The following BARX2 variants were observed in gnomAD, a reference collection of about 807,000 sequenced individuals.
The protein encoded by BARX2 is homeobox protein BarH-like 2.
BARX2 carries 11 observed loss-of-function variants against 25.5 expected under a neutral mutation model. The ratio of observed to expected loss-of-function variants is 0.43; its 90% CI spans 0.27 to 0.71. BARX2 has a LOEUF of 0.71. BARX2 is among the 30% of genes least tolerant of loss of function. The pLI is 0.19. For missense variants in BARX2, 360 were observed against 359.9 expected, an observed-to-expected ratio of 1.00 and a Z score of 0.00; for synonymous variants, 137 against 149.5, an observed-to-expected ratio of 0.92 and a Z score of 0.61.
chr11:129,450,358 T>G (rs952973808), intron 3 of BARX2, among the ~76,000 whole-genome samples: 1 of 152,044 alleles, frequency 6.6e-6, no homozygotes, highest in African/African-American at 2.4e-5. Flanking sequence ...GCAAACAAGG[T>G]GGTGTACAGA....
chr11:129,434,399 T>A (rs1368197299), intron 1 of BARX2, among the ~76,000 whole-genome samples: 3 of 115,874 alleles, frequency 2.6e-5, no homozygotes, highest in South Asian at 2.9e-4. Context: ...TGTCTCTACT[T>A]TAAAAAAAAA....
chr11:129,409,866 C>T (rs1214335655), intron 1 of BARX2, among the ~76,000 whole-genome samples: 5 of 152,022 alleles, frequency 3.3e-5, no homozygotes, highest in Admixed American at 1.3e-4. Context: ...TTATAATTTC[C>T]TCCATTATTT....
At chr11:129,435,835 G>T (rs1193684458) in intron 1 of BARX2, among the ~76,000 whole-genome samples, 2 of 152,186 alleles carry the variant, frequency 1.3e-5, no homozygotes, top group African/African-American at 4.8e-5. Context: ...CAGATTGTTG[G>T]ACAGAAAAGA....
rs1862403274 is a variant in BARX2, at chr11:129,451,670, C to T, written c.*268C>T. 4.3e-6 allele frequency: 2 copies of T among 465,616 alleles called. No homozygotes were observed. Among genetic ancestry groups the T allele is most frequent in the Admixed American group, 3.6e-5 (1 of 28,036 alleles). The allele number at this position is 465,616 out of a possible 1,614,324, so 28.8% of individuals were successfully genotyped here. A position where few individuals can be genotyped will look rare whatever the true frequency, so the allele number is the denominator to read the frequency against. ...AGAGAGCGCCTAGGAGCTGCCTGCCCCAGCTGGGGTGACGGCTGTAGGGCT... is the reference window on the plus strand; with the variant it reads ...AGAGAGCGCCTAGGAGCTGCCTGCCTCAGCTGGGGTGACGGCTGTAGGGCT... On this transcript the variant is annotated 3_prime_UTR_variant, in exon 4 of 4. Coordinates refer to ENST00000281437, the MANE Select transcript of BARX2 (RefSeq NM_003658.5).
chr11:129,387,381 A>G (rs1861626260), intron 1 of BARX2, among the ~76,000 whole-genome samples: 1 of 152,178 alleles, frequency 6.6e-6, no homozygotes, highest in Non-Finnish European at 1.5e-5. Flanking sequence ...CCACTTTTGA[A>G]TCCTCTGTCT....
At chr11:129,383,353 A>T (rs368010617) in intron 1 of BARX2, among the ~76,000 whole-genome samples, 4 of 152,194 alleles carry the variant, frequency 2.6e-5, no homozygotes, top group African/African-American at 9.7e-5. Flanking sequence ...ACGTTTAAGG[A>T]GGAAAGCCAT....
rs994620071 is a variant in BARX2 at position 129,451,684 on chromosome 11, G to A, written c.*282G>A. 9.0e-5 allele frequency: 39 copies of A among 432,800 alleles called. No homozygotes were observed. Among genetic ancestry groups the A allele is most frequent in the East Asian group, 1.6e-4 (4 of 24,534 alleles). 26.8% of individuals were successfully genotyped at this position (432,800 alleles called of 1,614,324 possible). A position where few individuals can be genotyped will look rare whatever the true frequency, so the allele number is the denominator to read the frequency against. On this transcript the variant is annotated 3_prime_UTR_variant, in exon 4 of 4. Coordinates refer to ENST00000281437, the MANE Select transcript of BARX2 (RefSeq NM_003658.5). The stretch of plus-strand genomic sequence containing the variant: ...AGCTGCCTGCCCCAGCTGGGGTGAC[G>A]GCTGTAGGGCTGGGTCTATGTTGCA...
intron 1 of BARX2, among the ~76,000 whole-genome samples, chr11:129,419,353 C>T (rs1192306831): frequency 6.6e-6 from 1 of 152,192 alleles, no homozygotes; most frequent in Non-Finnish European, 1.5e-5. Flanking sequence ...AGGAACTTCA[C>T]TCTTGTTTAT....
chr11:129,444,612 C>T (rs1360907730), intron 3 of BARX2, among the ~76,000 whole-genome samples: 5 of 152,138 alleles, frequency 3.3e-5, no homozygotes, highest in South Asian at 2.1e-4. Flanking sequence ...AGGTAGCTGC[C>T]GAGCATGTTA....
intron 1 of BARX2, among the ~76,000 whole-genome samples, chr11:129,406,365 T>C (rs1861830430): frequency 6.6e-6 from 1 of 152,240 alleles, no homozygotes. Flanking sequence ...AACTTGGTAG[T>C]AGCAGAGTCT....
Position 129,376,056 on chromosome 11 carries a change from G to A in BARX2, c.21G>A (p.Leu7=), listed in dbSNP as rs1025437552. Residue 7 remains leucine, a synonymous_variant, in exon 1 of 4, where the codon CTG becomes CTA. Transcript: ENST00000281437. This position sits in a 1 kb window ranked among gnomAD's most constrained non-coding sequence, Gnocchi z 4.2. The part of the protein sequence containing the change: MHCHAE[L]RLSSPGQLKA... ...TCACCATGCACTGCCACGCCGAGCT[G>A]AGGCTGAGCTCGCCCGGCCAGCTCA... The A allele has an allele frequency of 5.0e-6, 8 of 1,597,738 alleles. No homozygotes were observed. In the African/African-American group the frequency reaches 1.1e-4, roughly 22 times the overall value.
chr11:129,401,989 C>T (rs1339174777), intron 1 of BARX2, among the ~76,000 whole-genome samples: 2 of 147,506 alleles, frequency 1.4e-5, no homozygotes, highest in Non-Finnish European at 3.0e-5. Context: ...GAAATGAAGG[C>T]CAACTTCCAG....
chr11:129,432,775 T>A (rs56676009), intron 1 of BARX2, among the ~76,000 whole-genome samples: 19,659 of 152,160 alleles, frequency 0.13, 1,374 homozygotes, highest in Middle Eastern at 0.17. Flanking sequence ...TTTTAAAAAA[T>A]TTTAAAAAAA....
intron 2 of BARX2, among the ~76,000 whole-genome samples, chr11:129,440,841 C>G (rs1862247221): frequency 6.6e-6 from 1 of 152,212 alleles, no homozygotes. Context: ...CCCCATGGAG[C>G]AGGCAAGTGA....
At chr11:129,433,109 A>G (rs1051281615) in intron 1 of BARX2, among the ~76,000 whole-genome samples, 3 of 152,168 alleles carry the variant, frequency 2.0e-5, no homozygotes, top group Admixed American at 6.5e-5. Context: ...ATAGCAACTT[A>G]CCTAACACAG....
intron 2 of BARX2, 24 bp from the exon 3 acceptor site, chr11:129,442,811 T>G: frequency 6.2e-7 from 1 of 1,600,250 alleles, no homozygotes; most frequent in Non-Finnish European, 8.6e-7. Context: ...TGCTCACCTT[T>G]CCTTTGTATC....
chr11:129,437,248 C>A, intron 2 of BARX2, 197 bp downstream of exon 2: 1 of 626,250 alleles, frequency 1.6e-6, no homozygotes, highest in Non-Finnish European at 2.4e-6. Context: ...GTCCCTGGAG[C>A]CTGCCTGCGG....
At chr11:129,442,372 C>T (rs957199061) in intron 2 of BARX2, among the ~76,000 whole-genome samples, 6 of 152,124 alleles carry the variant, frequency 3.9e-5, no homozygotes, top group South Asian at 2.1e-4. Context: ...GCAGAGGAGA[C>T]GAGCTGTGGG....
chr11:129,430,927 T>C (rs1222561943), intron 1 of BARX2, among the ~76,000 whole-genome samples: 2 of 152,202 alleles, frequency 1.3e-5, no homozygotes, highest in Non-Finnish European at 2.9e-5. Flanking sequence ...AGTGGCATGA[T>C]CTCTGCTCTC....
Sources: allele counts gnomAD v4.1 joint callset (sites outside exome capture counted in the v4.1 genomes callset), GRCh38; gene constraint gnomAD v4.1.1; non-coding constraint Gnocchi (gnomAD v3.1); transcripts MANE v1.5; gene names NCBI Gene and HGNC (gene_info 2026-07-23, HGNC 2026-07-21).